Variants in CACNB4 observed in about 807,000 individuals in gnomAD.
CACNB4 encodes the protein voltage-dependent L-type calcium channel subunit beta-4.
Under a neutral mutation model 71.2 loss-of-function variants are expected in CACNB4, and 32 were observed. The ratio of observed to expected loss-of-function variants is 0.45; its 90% CI spans 0.34 to 0.60. The LOEUF (loss-of-function observed/expected upper bound fraction) is 0.60. CACNB4 is among the 20% of genes least tolerant of loss of function. The pLI is 0.01. For synonymous variants in CACNB4, 231 were observed against 236.9 expected (o/e 0.97, Z 0.23); for missense variants, 464 against 647.9 (o/e 0.72, Z 3.08).
intron 2 of CACNB4, among the ~76,000 whole-genome samples, chr2:152,072,680 G>A (rs558109572): frequency 4.7e-5 from 7 of 150,128 alleles, no homozygotes; most frequent in Admixed American, 6.7e-5. Flanking sequence ...TTGTTCTGTC[G>A]TCCAGGTTGG....
chr2:151,935,554 C>T (rs551980814), intron 2 of CACNB4, among the ~76,000 whole-genome samples: 4 of 152,288 alleles, frequency 2.6e-5, no homozygotes, highest in East Asian at 1.9e-4. Flanking sequence ...CTGAACCTAG[C>T]GAAGCACACT....
At chr2:151,981,442 G>A (rs1406824510) in intron 2 of CACNB4, among the ~76,000 whole-genome samples, 1 of 152,152 alleles carries the variant, frequency 6.6e-6, no homozygotes, top group African/African-American at 2.4e-5. Flanking sequence ...TGCAGATTTA[G>A]AAAACAAATA....
chr2:152,089,068 T>G (rs1437187121), intron 2 of CACNB4, among the ~76,000 whole-genome samples: 2 of 152,212 alleles, frequency 1.3e-5, no homozygotes, highest in Non-Finnish European at 2.9e-5. Context: ...CCTCCCTGAG[T>G]GCCCTCCTGT....
intron 2 of CACNB4, among the ~76,000 whole-genome samples, chr2:151,891,552 A>G (rs1411108053): frequency 2.6e-5 from 4 of 152,376 alleles, no homozygotes; most frequent in East Asian, 1.9e-4. Flanking sequence ...ATTACTTGAT[A>G]TGGATGCTTT....
intron 2 of CACNB4, among the ~76,000 whole-genome samples, chr2:152,097,592 A>G (rs1409904181): frequency 6.6e-6 from 1 of 152,192 alleles, no homozygotes; most frequent in Non-Finnish European, 1.5e-5. Flanking sequence ...TTCCTGTGCC[A>G]AGGTGAAAGG....
intron 2 of CACNB4, among the ~76,000 whole-genome samples, chr2:151,892,046 T>G (rs190598539): frequency 6.6e-6 from 1 of 152,162 alleles, no homozygotes; most frequent in Non-Finnish European, 1.5e-5. Context: ...TGCACTAATC[T>G]AGTTTCAGCA....
intron 3 of CACNB4, among the ~76,000 whole-genome samples, chr2:151,882,181 CTTTTTTTTTTTTT>C (rs35206904): frequency 1.8e-4 from 9 of 50,794 alleles, no homozygotes; most frequent in Admixed American, 5.3e-4. Context: ...ACCGGCCCCT[CTTTTTTTTTTTTT>C]TTTTTTTTTT....
intron 9 of CACNB4, among the ~76,000 whole-genome samples, chr2:151,862,557 G>A (rs1254367948): frequency 5.9e-5 from 9 of 152,196 alleles, no homozygotes; most frequent in Admixed American, 5.9e-4. Context: ...GAGGACTAAA[G>A]GGAGGTTCAG....
intron 2 of CACNB4, among the ~76,000 whole-genome samples, chr2:151,906,068 T>C (rs557256408): frequency 6.6e-6 from 1 of 152,204 alleles, no homozygotes; most frequent in Non-Finnish European, 1.5e-5. Context: ...CGCTATCCTC[T>C]TCCTACTCAG....
chr2:152,003,004 T>C (rs1682511222), intron 2 of CACNB4, among the ~76,000 whole-genome samples: 1 of 152,206 alleles, frequency 6.6e-6, no homozygotes, highest in African/African-American at 2.4e-5. Context: ...TCAATGAACA[T>C]CATGCAAAGC....
At chr2:151,940,817 T>C (rs1216785510) in intron 2 of CACNB4, among the ~76,000 whole-genome samples, 2 of 152,180 alleles carry the variant, frequency 1.3e-5, no homozygotes, top group Admixed American at 6.5e-5. Context: ...ATGAATATAT[T>C]GTCACCAGGG....
At chr2:151,875,307 G>A (rs2099845706) in intron 5 of CACNB4, among the ~76,000 whole-genome samples, 2 of 147,828 alleles carry the variant, frequency 1.4e-5, no homozygotes, top group South Asian at 4.5e-4. Context: ...CACAGGGTTG[G>A]GGGTAAGGTC....
At chr2:151,965,035 A>G (rs367755133) in intron 2 of CACNB4, among the ~76,000 whole-genome samples, 2 of 152,232 alleles carry the variant, frequency 1.3e-5, no homozygotes, top group African/African-American at 4.8e-5. Flanking sequence ...AATTTGATCA[A>G]CAGGTTCTTA....
At chr2:151,870,238 T>C in intron 8 of CACNB4, 3 of 702,730 alleles carry the variant, frequency 4.3e-6, no homozygotes, top group Non-Finnish European at 5.2e-6. Context: ...ACAGATAAAG[T>C]CCTTTTCTTT....
rs144325446 is a variant in CACNB4 at position 151,897,690 on chromosome 2, A to G, written c.148-14320T>C. Among the ~76,000 whole-genome samples, 658 of 152,314 alleles carry G rather than the reference A, an allele frequency of 4.3e-3. 7 individuals are homozygous for G. The highest frequency in any genetic ancestry group is 0.015 in the African/African-American group (635 of 41,564). The stretch of plus-strand genomic sequence containing the variant: ...ACAATAAGCAGTTTTGAGTGGTGCC[A>G]TGAAGCTTGACTACCTGGGCTGGAA... On this transcript the variant is annotated intron_variant, in intron 2 of 13. Transcript: ENST00000539935.
At chr2:151,921,138 AAAATAAATAAATAAATAAATAAATAAAT>A (rs70974809) in intron 2 of CACNB4, among the ~76,000 whole-genome samples, 2 of 137,560 alleles carry the variant, frequency 1.5e-5, no homozygotes, top group African/African-American at 5.3e-5. Flanking sequence ...CTCCGTCTCA[AAAATAAATAAATAAATAAATAAATAAAT>A]AAATAAATAA....
chr2:151,917,161 T>G (rs2151556908), intron 2 of CACNB4, among the ~76,000 whole-genome samples: 1 of 152,336 alleles, frequency 6.6e-6, no homozygotes, highest in East Asian at 1.9e-4. Context: ...TAATACAATG[T>G]TAAACAATAT....
chr2:152,098,097 C>T lies in CACNB4; in HGVS notation c.147+233G>A, dbSNP rs1431921939. ...AGCCAGGTCCCCACCGAACTGTCCA[C>T]ACACATGCACAAACTAACTTCCCGG... On this transcript the variant is annotated intron_variant, in intron 2 of 13. Coordinates refer to ENST00000539935, the MANE Select transcript of CACNB4 (RefSeq NM_000726.5). The surrounding 1 kb of genome is among the most constrained non-coding windows in gnomAD (Gnocchi z 5.3). Among the ~76,000 whole-genome samples, 1 of 152,260 alleles carries T rather than the reference C, an allele frequency of 6.6e-6. No individual in the cohort carries two copies. The highest frequency in any genetic ancestry group is 1.5e-5 in the Non-Finnish European group (1 of 68,042).
In CACNB4 at chr2:151,870,539, C is replaced by T. The variant is rs747408585; in HGVS notation, c.691G>A (p.Gly231Ser). 1.5e-5 allele frequency: 24 copies of T among 1,612,958 alleles called. No individual in the cohort carries two copies. The highest frequency in any genetic ancestry group is 2.0e-5 in the Non-Finnish European group (23 of 1,179,126). ...ACAGATGATATTTGTACCTCGTAAC[C>T]TTTCAGTGACGGCCCCACTAACACC... The part of the protein sequence containing the change: ...PVVLVGPSLK[G>S]YEVTDMMQKA... The change falls in exon 8 of 14, where the codon GGT (glycine) becomes AGT (serine). Residue 231 changes from glycine to serine, a missense_variant. Gly to Ser is a moderately conservative substitution (Grantham distance 56, BLOSUM62 0). This residue lies in a region of CACNB4 where 299 missense variants were observed against 471.7 expected (regional missense o/e 0.63). Coordinates refer to ENST00000539935, the MANE Select transcript of CACNB4 (RefSeq NM_000726.5).
Sources: allele counts gnomAD v4.1 joint callset (sites outside exome capture counted in the v4.1 genomes callset), GRCh38; gene constraint gnomAD v4.1.1; regional missense constraint gnomAD v4.1.1; non-coding constraint Gnocchi (gnomAD v3.1); transcripts MANE v1.5; gene names NCBI Gene and HGNC (gene_info 2026-07-23, HGNC 2026-07-21).